CAST: variants seen among roughly 807,000 people sequenced by gnomAD.
The protein encoded by CAST is calpastatin, also known as MIR583 host.
CAST carries 76 observed loss-of-function variants against 119.6 expected under a neutral mutation model. That is an observed-to-expected ratio of 0.64 (90% CI 0.53 to 0.77). The LOEUF (loss-of-function observed/expected upper bound fraction) is 0.77. CAST is among the 30% of genes least tolerant of loss of function. The pLI is 0.00. For missense variants in CAST, 953 were observed against 946.5 expected (o/e 1.01, Z -0.09); for synonymous variants, 319 against 331.6 (o/e 0.96, Z 0.41).
At position 96,754,754 on chromosome 5, in the gene CAST, GA is replaced by G; in HGVS notation, c.1710+14del. The stretch of plus-strand genomic sequence containing the variant: ...AGAAGAGGTCAAGGTAAACAGGCTG[GA>G]GTCTTTTTCTATTTTATTTTAATTC... On this transcript the variant is annotated intron_variant, in intron 22 of 31. Transcript: ENST00000675179. 1 of 1,476,828 alleles carries G rather than the reference GA, an allele frequency of 6.8e-7. No individual in the cohort carries two copies. Among genetic ancestry groups the G allele is most frequent in the Non-Finnish European group, 9.4e-7 (1 of 1,059,602 alleles). The allele number at this position is 1,476,828 out of a possible 1,614,324, so 91.5% of individuals were successfully genotyped here.
At chr5:96,241,334 T>C in the CAST span, among the ~76,000 whole-genome samples, 36,370 of 151,276 alleles carry the variant, frequency 0.24, 5,207 homozygotes, top group Admixed American at 0.37. Flanking sequence ...GTTCTTGTGA[T>C]AGTTTACTGA....
chr5:96,349,966 C>A, the CAST span, among the ~76,000 whole-genome samples: 1 of 152,144 alleles, frequency 6.6e-6, no homozygotes, highest in African/African-American at 2.4e-5. Context: ...ATGAAGTAAA[C>A]TAGATAGATA....
the CAST span, among the ~76,000 whole-genome samples, chr5:96,221,038 A>C: frequency 1.8e-4 from 27 of 152,274 alleles, no homozygotes; most frequent in African/African-American, 6.3e-4. Flanking sequence ...AGTTTAGGTC[A>C]TTATGGATTA....
At chr5:96,206,716 A>G in the CAST span, among the ~76,000 whole-genome samples, 1 of 152,124 alleles carries the variant, frequency 6.6e-6, no homozygotes, top group Admixed American at 6.6e-5. Context: ...GTCTTGTGGT[A>G]TAGTTTGAAG....
chr5:96,592,718 A>G (rs1361307509), intron 1 of CAST, among the ~76,000 whole-genome samples: 1 of 151,276 alleles, frequency 6.6e-6, no homozygotes, highest in Non-Finnish European at 1.5e-5. Flanking sequence ...AGCTTCCTGG[A>G]TTGTTTAAAT....
the CAST span, among the ~76,000 whole-genome samples, chr5:96,071,897 TG>T: frequency 6.6e-6 from 1 of 152,208 alleles, no homozygotes; most frequent in African/African-American, 2.4e-5. Flanking sequence ...AAGTTGAAGC[TG>T]GTCATGGGTC....
the CAST span, among the ~76,000 whole-genome samples, chr5:96,412,752 G>GTTTTTTTTTTTTTGTT: frequency 0.013 from 956 of 71,712 alleles, 162 homozygotes; most frequent in African/African-American, 0.082. Flanking sequence ...CAGCTGTGAT[G>GTTTTTTTTTTTTTGTT]TTTTTTTTTT....
the CAST span, among the ~76,000 whole-genome samples, chr5:96,200,871 T>A: frequency 1.3e-5 from 2 of 152,150 alleles, no homozygotes; most frequent in African/African-American, 4.8e-5. Context: ...AGCCACAGTA[T>A]GTTATCCCCA....
At chr5:96,065,788 G>T in the CAST span, among the ~76,000 whole-genome samples, 1 of 152,116 alleles carries the variant, frequency 6.6e-6, no homozygotes, top group East Asian at 1.9e-4. Flanking sequence ...CTCTGCCCCT[G>T]CTGTGGGCCT....
the CAST span, among the ~76,000 whole-genome samples, chr5:96,000,703 G>A: frequency 2.0e-5 from 3 of 152,160 alleles, no homozygotes; most frequent in African/African-American, 7.2e-5. Flanking sequence ...TCAGGGAAAA[G>A]ACCTATATAT....
At chr5:96,753,679 G>A (rs1196199403) in intron 20 of CAST, among the ~76,000 whole-genome samples, 1 of 152,146 alleles carries the variant, frequency 6.6e-6, no homozygotes, top group African/African-American at 2.4e-5. Context: ...CCTCTTGTGG[G>A]CTCTCTGAAA....
chr5:96,066,238 G>T, the CAST span, among the ~76,000 whole-genome samples: 1 of 152,094 alleles, frequency 6.6e-6, no homozygotes, highest in African/African-American at 2.4e-5. Context: ...GGGTCAGCCT[G>T]AACAATAGGG....
intron 1 of CAST, among the ~76,000 whole-genome samples, chr5:96,571,788 G>C (rs1746573236): frequency 6.6e-6 from 1 of 152,118 alleles, no homozygotes; most frequent in South Asian, 2.1e-4. Flanking sequence ...TTATCACTCT[G>C]TCATTATAAC....
chr5:96,509,056 C>T, the CAST span, among the ~76,000 whole-genome samples: 2 of 152,288 alleles, frequency 1.3e-5, no homozygotes, highest in East Asian at 3.9e-4. Context: ...ATATCATTGT[C>T]ATAGGTGTAA....
At chr5:96,258,986 G>T in the CAST span, among the ~76,000 whole-genome samples, 2 of 152,220 alleles carry the variant, frequency 1.3e-5, no homozygotes, top group African/African-American at 2.4e-5. Context: ...AGTGGGAAGA[G>T]GTTACTTTGG....
At chr5:96,184,145 A>G in the CAST span, among the ~76,000 whole-genome samples, 1 of 152,192 alleles carries the variant, frequency 6.6e-6, no homozygotes, top group African/African-American at 2.4e-5. Context: ...TGATGCTCTC[A>G]GATTAAGTCC....
chr5:96,748,523 G>C lies in CAST; in HGVS notation c.1338G>C (p.Arg446=). 1.3e-6 allele frequency: 2 copies of C among 1,518,500 alleles called. No homozygotes were observed. Among genetic ancestry groups the C allele is most frequent in the Non-Finnish European group, 1.8e-6 (2 of 1,095,176 alleles). 94.1% of individuals were successfully genotyped at this position (1,518,500 alleles called of 1,614,324 possible). A position where few individuals can be genotyped will look rare whatever the true frequency, so the allele number is the denominator to read the frequency against. The change falls in exon 19 of 32, where the codon CGG becomes CGC. Residue 446 remains arginine, a synonymous_variant. Coordinates refer to ENST00000675179, the MANE Select transcript of CAST (RefSeq NM_001750.7). ...LPEPEEKPKP[R]SESELIDELS... ...CAGCACTTCTTATATTACAGCCTCG[G>C]AGTGAATCAGAACTCATTGATGAAC...
the CAST span, among the ~76,000 whole-genome samples, chr5:96,249,933 G>A: frequency 3.0e-4 from 45 of 152,276 alleles, no homozygotes; most frequent in Admixed American, 9.2e-4. Flanking sequence ...ATGAGAAGCC[G>A]GAACTGGTTA....
chr5:96,712,687 A>G (rs1261253486), intron 3 of CAST, among the ~76,000 whole-genome samples: 1 of 152,220 alleles, frequency 6.6e-6, no homozygotes, highest in East Asian at 1.9e-4. Flanking sequence ...TATTTGCAAA[A>G]TTAAACTTGC....
Sources: allele counts gnomAD v4.1 joint callset (sites outside exome capture counted in the v4.1 genomes callset), GRCh38; gene constraint gnomAD v4.1.1; transcripts MANE v1.5; gene names NCBI Gene and HGNC (gene_info 2026-07-23, HGNC 2026-07-21).